The following SRGAP1 variants were observed in gnomAD, a reference collection of about 807,000 sequenced individuals.
The protein encoded by SRGAP1 is SLIT-ROBO Rho GTPase-activating protein 1.
A neutral mutation model predicts 121.9 loss-of-function variants in SRGAP1; 43 were observed. The observed-to-expected ratio is 0.35, with a 90% CI of 0.28 to 0.46. SRGAP1 has a LOEUF of 0.46. Among genes scored for constraint, SRGAP1 ranks in the 20% least tolerant of loss-of-function variants. The pLI, the probability that SRGAP1 is intolerant of heterozygous loss-of-function variation, is 1.00. For synonymous variants in SRGAP1, 447 were observed against 485.4 expected, an observed-to-expected ratio of 0.92 and a Z score of 1.04; for missense variants, 1,102 against 1,350.9, an observed-to-expected ratio of 0.82 and a Z score of 2.89.
intron 1 of SRGAP1, among the ~76,000 whole-genome samples, chr12:63,954,305 C>T (rs1468979602): frequency 1.3e-5 from 2 of 152,116 alleles, no homozygotes; most frequent in African/African-American, 4.8e-5. Context: ...TCATGAAAAA[C>T]TTTTCTTGCC....
At chr12:64,046,794 TGA>T (rs2035139399) in intron 6 of SRGAP1, among the ~76,000 whole-genome samples, 1 of 152,182 alleles carries the variant, frequency 6.6e-6, no homozygotes, top group African/African-American at 2.4e-5. Context: ...ATCAGGATTT[TGA>T]GAGTCATTAC....
intron 3 of SRGAP1, among the ~76,000 whole-genome samples, chr12:63,997,247 T>C (rs1470395279): frequency 1.3e-5 from 2 of 152,170 alleles, no homozygotes; most frequent in African/African-American, 2.4e-5. Flanking sequence ...ACCACCGTCA[T>C]TGAGTACAAT....
chr12:64,014,680 C>T (rs565141800), intron 3 of SRGAP1, among the ~76,000 whole-genome samples: 18 of 152,108 alleles, frequency 1.2e-4, no homozygotes, highest in Non-Finnish European at 2.4e-4. Flanking sequence ...GCTTTGAGGA[C>T]CCTTATAACC....
intron 3 of SRGAP1, among the ~76,000 whole-genome samples, chr12:63,995,051 C>T (rs974225478): frequency 3.3e-5 from 5 of 152,118 alleles, no homozygotes; most frequent in African/African-American, 9.7e-5. Flanking sequence ...ATTTTAAGAA[C>T]GTTAATAGAA....
chr12:64,032,739 CA>C (rs1364996952), intron 4 of SRGAP1: 11 of 248,002 alleles, frequency 4.4e-5, no homozygotes, highest in Middle Eastern at 1.2e-3. Context: ...TGATCTTGAG[CA>C]CATTTCAAAC....
intron 6 of SRGAP1, among the ~76,000 whole-genome samples, chr12:64,051,090 A>G (rs2035231242): frequency 6.6e-6 from 1 of 152,086 alleles, no homozygotes. Context: ...CAGCTTCTGG[A>G]TTTGTCTATT....
chr12:64,149,053 C>CTA lies in SRGAP1; in HGVS notation c.*6386_*6387dup, dbSNP rs1266285043. ...AATAGTGGTTTTTCCATTTTTACTG[C>CTA]TATATAGAATTCCATTACATGAATA... On this transcript the variant is annotated 3_prime_UTR_variant, in exon 22 of 22. Transcript: ENST00000355086. The CTA allele has an allele frequency of 2.0e-5, 3 of 152,138 alleles. No individual in the cohort carries two copies. The highest frequency in any genetic ancestry group is 2.9e-5 in the Non-Finnish European group (2 of 68,024). 9.4% of individuals were successfully genotyped at this position (152,138 alleles called of 1,614,324 possible). A position where few individuals can be genotyped will look rare whatever the true frequency, so the allele number is the denominator to read the frequency against.
At chr12:64,058,723 A>G (rs1332111401) in intron 6 of SRGAP1, among the ~76,000 whole-genome samples, 1 of 152,144 alleles carries the variant, frequency 6.6e-6, no homozygotes, top group African/African-American at 2.4e-5. Flanking sequence ...ATTGTCATTA[A>G]TAATTCATGA....
chr12:63,855,492 T>TTTTTTG (rs1899216472), intron 1 of SRGAP1, among the ~76,000 whole-genome samples: 1 of 133,252 alleles, frequency 7.5e-6, no homozygotes, highest in African/African-American at 2.8e-5. Context: ...TTTTTTTTTT[T>TTTTTTG]TTTTTTTTTT....
At chr12:64,112,022 A>C (rs752279704) in intron 17 of SRGAP1, 36 bp downstream of exon 17, 54 of 1,513,444 alleles carry the variant, frequency 3.6e-5, no homozygotes, top group Non-Finnish European at 4.9e-5. Flanking sequence ...TCTCCCACCG[A>C]AAATTATGGA....
intron 1 of SRGAP1, among the ~76,000 whole-genome samples, chr12:63,975,442 A>AT (rs2033067288): frequency 1.3e-5 from 2 of 152,208 alleles, no homozygotes; most frequent in East Asian, 3.8e-4. Flanking sequence ...GTCATTTTAG[A>AT]TTTTTTAGGA....
chr12:64,073,778 A>T (rs970945085), intron 8 of SRGAP1, among the ~76,000 whole-genome samples: 11 of 143,406 alleles, frequency 7.7e-5, no homozygotes, highest in African/African-American at 2.8e-4. Flanking sequence ...CAGAATCCAT[A>T]AAAAAAAAAA....
chr12:63,851,245 A>T (rs534435059), intron 1 of SRGAP1, among the ~76,000 whole-genome samples: 2 of 151,932 alleles, frequency 1.3e-5, no homozygotes, highest in African/African-American at 4.8e-5. Context: ...AGCATTATCT[A>T]CTCTCCCCTG....
rs1393118831 is a variant in SRGAP1 at position 64,151,439 on chromosome 12, G to A, written c.*8767G>A. ...TGTTTTTTTTTCAATTGAATGTTAT[G>A]TTGTGGTGAGCAGCTCTGTATATAA... On this transcript the variant is annotated 3_prime_UTR_variant, in exon 22 of 22. Transcript: ENST00000355086. 1 of 151,772 alleles carries A rather than the reference G, an allele frequency of 6.6e-6. No homozygotes were observed. Among genetic ancestry groups the A allele is most frequent in the African/African-American group, 2.4e-5 (1 of 41,306 alleles). 9.4% of individuals were successfully genotyped at this position (151,772 alleles called of 1,614,324 possible). A position where few individuals can be genotyped will look rare whatever the true frequency, so the allele number is the denominator to read the frequency against.
Position 64,150,196 on chromosome 12 carries a change from C to T in SRGAP1, c.*7524C>T, listed in dbSNP as rs2037102558. ...GGGGTTGGGAAGAGAGATTGCTCCT[C>T]CCGCAGTGCTGAAACAACATGCCTT... On this transcript the variant is annotated 3_prime_UTR_variant, in exon 22 of 22. Coordinates refer to ENST00000355086, the MANE Select transcript of SRGAP1 (RefSeq NM_020762.4). The T allele has an allele frequency of 6.6e-6, 1 of 152,130 alleles. No homozygotes were observed. Among genetic ancestry groups the T allele is most frequent in the East Asian group, 1.9e-4 (1 of 5,182 alleles). The allele number at this position is 152,130 out of a possible 1,614,324, so 9.4% of individuals were successfully genotyped here.
In SRGAP1 at chr12:63,855,473, G is replaced by GTTTTTTGT. The variant is rs1899208078; in HGVS notation, c.67+10596_67+10597insGTTTTTTT. Among the ~76,000 whole-genome samples the GTTTTTTGT allele has an allele frequency of 7.7e-4, 41 of 52,938 alleles. 1 individual carries two copies. The highest frequency in any genetic ancestry group is 2.8e-3 in the African/African-American group (39 of 14,028). 34.7% of individuals were successfully genotyped at this position (52,938 alleles called of 152,430 possible). On this transcript the variant is annotated intron_variant, in intron 1 of 21. Coordinates refer to ENST00000355086, the MANE Select transcript of SRGAP1 (RefSeq NM_020762.4). ...AGCAGCAGTCAACATGAAAAATGGTGTTTTTTTTTTTTTTTTTTTTTTTTT... is the reference window on the plus strand; with the variant it reads ...AGCAGCAGTCAACATGAAAAATGGTGTTTTTTGTTTTTTTTTTTTTTTTTTTTTTTTTT...
intron 18 of SRGAP1, among the ~76,000 whole-genome samples, chr12:64,117,173 A>G (rs778639791): frequency 1.3e-5 from 2 of 152,184 alleles, no homozygotes; most frequent in Non-Finnish European, 2.9e-5. Flanking sequence ...CTATCTCCAG[A>G]AATTGGCTAA....
In SRGAP1 at chr12:64,127,803, C is replaced by A. The variant is rs532166470; in HGVS notation, c.2541-58C>A. On this transcript the variant is annotated intron_variant, in intron 20 of 21. Coordinates refer to ENST00000355086, the MANE Select transcript of SRGAP1 (RefSeq NM_020762.4). ...GAGGAGCCACTGCACCTCAGCCTTG[C>A]AGTACTGCCCGGTGTGATAAGCTCT... 1.4e-3 allele frequency: 2,236 copies of A among 1,597,160 alleles called. 4 individuals carry two copies. The highest frequency in any genetic ancestry group is 1.7e-3 in the Non-Finnish European group (2,003 of 1,169,928).
At position 64,082,068 on chromosome 12, in the gene SRGAP1, C is replaced by T. The variant is rs373985118; in HGVS notation, c.1408+1698C>T. The T allele has an allele frequency of 3.5e-5, 4 of 115,002 alleles. No individual in the cohort carries two copies. The South Asian group carries it at 9.2e-4, about 27-fold the overall frequency. The allele number at this position is 115,002 out of a possible 1,614,324, so 7.1% of individuals were successfully genotyped here. On this transcript the variant is annotated intron_variant, in intron 10 of 21. Transcript: ENST00000355086. The stretch of plus-strand genomic sequence containing the variant: ...ATATTTCAAGTGATGCCCTCAAGGT[C>T]AGTTGCCAGGCCCAAAGCATAAATT...
Sources: allele counts gnomAD v4.1 joint callset (sites outside exome capture counted in the v4.1 genomes callset), GRCh38; gene constraint gnomAD v4.1.1; transcripts MANE v1.5; gene names NCBI Gene and HGNC (gene_info 2026-07-23, HGNC 2026-07-21).